Variants in ATP11A observed in about 807,000 individuals in gnomAD.
The protein encoded by ATP11A is ATPase phospholipid transporting 11A, also known as phospholipid-transporting ATPase IH.
In ATP11A, 81 loss-of-function variants were observed where a neutral mutation model predicts 154.4. The observed-to-expected ratio is 0.52, with a 90% CI of 0.44 to 0.63. The LOEUF is 0.63. Ranked by LOEUF, ATP11A falls within the 30% of genes least tolerant of loss-of-function variation. The pLI, the probability that ATP11A is intolerant of heterozygous loss-of-function variation, is 0.00. For synonymous variants in ATP11A, 623 were observed against 585.9 expected (o/e 1.06, Z -0.91); for missense variants, 1,316 against 1,474.3 (o/e 0.89, Z 1.76).
chr13:112,696,250 C>T lies in ATP11A; in HGVS notation c.39+5795C>T, dbSNP rs2087643719. ...GCGCATGGACCTGCGGCTGCATCACCGTCCATGCTTCTGGGCTTCTTAAGG... is the reference window on the plus strand; with the variant it reads ...GCGCATGGACCTGCGGCTGCATCACTGTCCATGCTTCTGGGCTTCTTAAGG... On this transcript the variant is annotated intron_variant, in intron 1 of 29. Coordinates refer to ENST00000375645, the MANE Select transcript of ATP11A (RefSeq NM_015205.3). This position sits in a 1 kb window ranked among gnomAD's most constrained non-coding sequence, Gnocchi z 6.2. Among the ~76,000 whole-genome samples the T allele has an allele frequency of 6.6e-6, 1 of 152,240 alleles. No homozygotes were observed. Among genetic ancestry groups the T allele is most frequent in the Non-Finnish European group, 1.5e-5 (1 of 68,046 alleles).
chr13:112,792,193 A>G (rs1000567937), intron 2 of ATP11A, among the ~76,000 whole-genome samples: 1 of 150,496 alleles, frequency 6.6e-6, no homozygotes, highest in Non-Finnish European at 1.5e-5. Context: ...AAAGGCCCTC[A>G]GAAAGGCTGG....
At chr13:112,842,208 A>G (rs2079441786) in intron 16 of ATP11A, 68 bp from the exon 17 acceptor site, 1 of 1,303,788 alleles carries the variant, frequency 7.7e-7, no homozygotes, top group Non-Finnish European at 1.1e-6. Context: ...TAATAATGGC[A>G]TAATTTTAAA....
chr13:112,880,358 C>A, intron 29 of ATP11A: 1 of 331,108 alleles, frequency 3.0e-6, no homozygotes, highest in Non-Finnish European at 5.0e-6. Context: ...AGCGGCCCTG[C>A]TGGGACAGTG....
chr13:112,692,177 C>A (rs1328360302), intron 1 of ATP11A, among the ~76,000 whole-genome samples: 1 of 152,170 alleles, frequency 6.6e-6, no homozygotes, highest in South Asian at 2.1e-4. Context: ...CCCTAGACAC[C>A]TTATTTTCCT....
intron 1 of ATP11A, among the ~76,000 whole-genome samples, chr13:112,740,874 A>C (rs1044465692): frequency 2.6e-5 from 4 of 152,226 alleles, no homozygotes; most frequent in African/African-American, 4.8e-5. Flanking sequence ...TGACCCACCC[A>C]CTTCCGCTGC....
chr13:112,812,980 A>T (rs915750488), intron 5 of ATP11A, among the ~76,000 whole-genome samples: 5 of 152,232 alleles, frequency 3.3e-5, no homozygotes, highest in African/African-American at 7.2e-5. Flanking sequence ...AGACCTAAAC[A>T]GTGTCTGCCC....
rs190908879 is a variant in ATP11A, at chr13:112,871,459, G to A, written c.2992-276G>A. On this transcript the variant is annotated intron_variant, in intron 25 of 29. Coordinates refer to ENST00000375645, the MANE Select transcript of ATP11A (RefSeq NM_015205.3). Reference sequence around the variant, plus strand: ...ATTGAGCAGGGCCAGCGTCAGGAGCGGGCAGCAAGTTGCAGATAGGCAGGC... The same window carrying A: ...ATTGAGCAGGGCCAGCGTCAGGAGCAGGCAGCAAGTTGCAGATAGGCAGGC... Among the ~76,000 whole-genome samples the A allele has an allele frequency of 3.2e-4, 48 of 152,244 alleles. No individual in the cohort carries two copies. The East Asian group carries it at 8.5e-3, about 27-fold the overall frequency.
At chr13:112,725,697 T>C (rs1266647528) in intron 1 of ATP11A, among the ~76,000 whole-genome samples, 3 of 152,220 alleles carry the variant, frequency 2.0e-5, no homozygotes, top group Non-Finnish European at 4.4e-5. Flanking sequence ...GCTACAGCTG[T>C]GGCTGCAAAG....
intron 26 of ATP11A, among the ~76,000 whole-genome samples, chr13:112,872,457 A>C (rs1239240208): frequency 6.6e-6 from 1 of 152,210 alleles, no homozygotes; most frequent in Non-Finnish European, 1.5e-5. Context: ...CTAAAAACAC[A>C]AAAAGTAGCC....
chr13:112,843,531 G>A (rs1031591348), intron 17 of ATP11A, among the ~76,000 whole-genome samples: 4 of 152,284 alleles, frequency 2.6e-5, no homozygotes, highest in African/African-American at 4.8e-5. Context: ...CCAAAATGAC[G>A]CTGGCCAGAG....
chr13:112,719,178 C>T (rs893267085), intron 1 of ATP11A, among the ~76,000 whole-genome samples: 11 of 150,814 alleles, frequency 7.3e-5, no homozygotes, highest in Admixed American at 3.3e-4. Context: ...CTTTGAATCG[C>T]GTCAAAGACC....
intron 17 of ATP11A, among the ~76,000 whole-genome samples, chr13:112,844,581 C>T (rs1326539125): frequency 6.6e-6 from 1 of 152,226 alleles, no homozygotes; most frequent in Non-Finnish European, 1.5e-5. Flanking sequence ...TCAGCAGAAT[C>T]ACAAAAGGCG....
intron 1 of ATP11A, among the ~76,000 whole-genome samples, chr13:112,778,991 C>G (rs1214373402): frequency 6.4e-5 from 9 of 139,622 alleles, no homozygotes; most frequent in East Asian, 2.2e-4. Context: ...GGAGTAGCCG[C>G]TGGAGTGAAG....
intron 17 of ATP11A, among the ~76,000 whole-genome samples, chr13:112,845,684 C>T (rs2079574626): frequency 8.0e-6 from 1 of 124,492 alleles, no homozygotes; most frequent in African/African-American, 3.8e-5. Flanking sequence ...ACTAGCGGTA[C>T]TAACCAGTCC....
intron 1 of ATP11A, among the ~76,000 whole-genome samples, chr13:112,729,510 A>G (rs2139682088): frequency 6.6e-6 from 1 of 152,222 alleles, no homozygotes; most frequent in South Asian, 2.1e-4. Context: ...GTCGGAAGGC[A>G]CTGAGGCAGC....
At chr13:112,808,626 T>C (rs560044677) in intron 4 of ATP11A, among the ~76,000 whole-genome samples, 4 of 152,144 alleles carry the variant, frequency 2.6e-5, no homozygotes, top group African/African-American at 9.6e-5. Flanking sequence ...TCCCGGCCCC[T>C]CCTCGCTTGC....
chr13:112,739,617 A>C (rs1891328956), intron 1 of ATP11A, among the ~76,000 whole-genome samples: 2 of 152,238 alleles, frequency 1.3e-5, no homozygotes, highest in Admixed American at 1.3e-4. Flanking sequence ...TTCCACGCCT[A>C]AATATGTCCT....
In ATP11A at chr13:112,882,547, C is replaced by T. The variant is rs2080910303; in HGVS notation, c.*681C>T. The stretch of plus-strand genomic sequence containing the variant: ...ATCCCTGCGGATGCACCGCCGTACC[C>T]TGCTCATCTGGGAGTGGTTTCCCTG... On this transcript the variant is annotated 3_prime_UTR_variant, in exon 30 of 30. Transcript: ENST00000375645. The surrounding 1 kb of genome is among the most constrained non-coding windows in gnomAD (Gnocchi z 5.1). 2.4e-6 allele frequency: 1 copy of T among 422,622 alleles called. No individual in the cohort carries two copies. The highest frequency in any genetic ancestry group is 4.0e-5 in the Admixed American group (1 of 25,004). The allele number at this position is 422,622 out of a possible 1,614,324, so 26.2% of individuals were successfully genotyped here. A position where few individuals can be genotyped will look rare whatever the true frequency, so the allele number is the denominator to read the frequency against.
intron 1 of ATP11A, among the ~76,000 whole-genome samples, chr13:112,739,985 G>C (rs536143936): frequency 6.6e-6 from 1 of 152,002 alleles, no homozygotes; most frequent in Non-Finnish European, 1.5e-5. Flanking sequence ...GGGGGCGTGG[G>C]AGCGACTGTA....
Sources: allele counts gnomAD v4.1 joint callset (sites outside exome capture counted in the v4.1 genomes callset), GRCh38; gene constraint gnomAD v4.1.1; non-coding constraint Gnocchi (gnomAD v3.1); transcripts MANE v1.5; gene names NCBI Gene and HGNC (gene_info 2026-07-23, HGNC 2026-07-21).